Variants in PTPRT observed in about 807,000 individuals in gnomAD.
PTPRT encodes receptor-type tyrosine-protein phosphatase T.
A neutral mutation model predicts 176.8 loss-of-function variants in PTPRT; 56 were observed. The observed-to-expected ratio is 0.32, with a 90% CI of 0.26 to 0.40. The LOEUF (loss-of-function observed/expected upper bound fraction) is 0.40. PTPRT is among the 10% of genes least tolerant of loss of function. PTPRT has a pLI of 1.00. For missense variants in PTPRT, 1,540 were observed against 1,908.2 expected, an observed-to-expected ratio of 0.81 and a Z score of 3.60; for synonymous variants, 783 against 739.0, an observed-to-expected ratio of 1.06 and a Z score of -0.96.
intron 11 of PTPRT, among the ~76,000 whole-genome samples, chr20:42,318,181 GT>G (rs1433516477): frequency 1.3e-5 from 2 of 152,160 alleles, no homozygotes; most frequent in African/African-American, 4.8e-5. Context: ...GTCAATAAAC[GT>G]TTAAATTAAA....
At chr20:42,602,937 T>A (rs941345582) in intron 7 of PTPRT, among the ~76,000 whole-genome samples, 1 of 151,962 alleles carries the variant, frequency 6.6e-6, no homozygotes, top group African/African-American at 2.4e-5. Context: ...GACTTAAGAG[T>A]CAGTAAATGT....
intron 1 of PTPRT, among the ~76,000 whole-genome samples, chr20:43,011,746 G>A (rs1985136922): frequency 6.6e-6 from 1 of 152,216 alleles, no homozygotes; most frequent in Non-Finnish European, 1.5e-5. Context: ...ACTTGTGTCT[G>A]TGAGGGTGTT....
chr20:42,188,798 T>A (rs1990880804), intron 16 of PTPRT, among the ~76,000 whole-genome samples: 1 of 152,190 alleles, frequency 6.6e-6, no homozygotes, highest in Non-Finnish European at 1.5e-5. Flanking sequence ...TCTCAAGATG[T>A]AGTGGCCTAG....
intron 6 of PTPRT, among the ~76,000 whole-genome samples, chr20:42,698,852 C>CACGA (rs147806588): frequency 6.6e-6 from 1 of 151,424 alleles, no homozygotes; most frequent in African/African-American, 2.4e-5. Flanking sequence ...TGAATGCATA[C>CACGA]ATGAATGAAT....
intron 13 of PTPRT, among the ~76,000 whole-genome samples, chr20:42,264,393 A>C (rs972216682): frequency 6.6e-6 from 1 of 152,122 alleles, no homozygotes; most frequent in Non-Finnish European, 1.5e-5. Flanking sequence ...CTGTTCTAAG[A>C]CTGTTGTTAA....
At chr20:42,159,306 T>C (rs1015456790) in intron 17 of PTPRT, among the ~76,000 whole-genome samples, 1 of 152,146 alleles carries the variant, frequency 6.6e-6, no homozygotes, top group Non-Finnish European at 1.5e-5. Flanking sequence ...CAATCCTATG[T>C]TGCCTTCCTC....
chr20:42,418,746 G>T (rs951166970), intron 9 of PTPRT, among the ~76,000 whole-genome samples: 1 of 152,138 alleles, frequency 6.6e-6, no homozygotes, highest in Non-Finnish European at 1.5e-5. Context: ...GACCATAGGG[G>T]CCGGGTCATG....
chr20:42,951,850 G>T (rs1025295867), intron 1 of PTPRT, among the ~76,000 whole-genome samples: 1 of 152,166 alleles, frequency 6.6e-6, no homozygotes, highest in Non-Finnish European at 1.5e-5. Flanking sequence ...AATTTCCTCA[G>T]CTGTAGATTG....
intron 9 of PTPRT, among the ~76,000 whole-genome samples, chr20:42,359,795 G>C (rs143703071): frequency 6.6e-6 from 1 of 152,190 alleles, no homozygotes; most frequent in Non-Finnish European, 1.5e-5. Flanking sequence ...GGGCCTGCCC[G>C]GGCTGCACAC....
At chr20:42,551,708 C>A (rs1295112253) in intron 7 of PTPRT, among the ~76,000 whole-genome samples, 2 of 151,950 alleles carry the variant, frequency 1.3e-5, no homozygotes, top group Non-Finnish European at 2.9e-5. Flanking sequence ...CTGAGAAAAC[C>A]TGTGGCCTTA....
At chr20:43,133,679 T>C (rs944957661) in intron 1 of PTPRT, among the ~76,000 whole-genome samples, 5 of 145,780 alleles carry the variant, frequency 3.4e-5, no homozygotes, top group African/African-American at 1.0e-4. Flanking sequence ...ACCTGGGAGG[T>C]GGAGCTTGCA....
intron 19 of PTPRT, among the ~76,000 whole-genome samples, chr20:42,121,119 C>CTA: frequency 6.6e-6 from 1 of 152,328 alleles, no homozygotes; most frequent in Non-Finnish European, 1.5e-5. Context: ...TGTGGCATCT[C>CTA]TAAAGTTCTA....
chr20:42,609,321 G>A (rs1022145024), intron 7 of PTPRT, among the ~76,000 whole-genome samples: 7 of 152,036 alleles, frequency 4.6e-5, no homozygotes, highest in African/African-American at 1.2e-4. Context: ...CGATCCGCCC[G>A]CCTCAGCCTC....
chr20:42,148,090 C>G (rs1196724304), intron 17 of PTPRT, among the ~76,000 whole-genome samples: 1 of 152,054 alleles, frequency 6.6e-6, no homozygotes, highest in African/African-American at 2.4e-5. Context: ...AGGCGCTAAT[C>G]ACATTCTTTT....
At chr20:42,701,880 C>T (rs747261124) in intron 6 of PTPRT, among the ~76,000 whole-genome samples, 4 of 152,160 alleles carry the variant, frequency 2.6e-5, no homozygotes, top group Non-Finnish European at 5.9e-5. Context: ...ACAGCTAGAT[C>T]TAGAGTTCTT....
At chr20:42,569,630 G>A (rs145311739) in intron 7 of PTPRT, among the ~76,000 whole-genome samples, 4 of 152,032 alleles carry the variant, frequency 2.6e-5, no homozygotes, top group Admixed American at 1.3e-4. Flanking sequence ...AGCACCCAGG[G>A]AGGCAGAACT....
At position 42,472,464 on chromosome 20, in the gene PTPRT, G is replaced by A. The variant is rs372883484; in HGVS notation, c.1252C>T (p.His418Tyr). ...EPFGYAVTRC[H>Y]SYNLTVQYQY... The stretch of plus-strand genomic sequence containing the variant: ...TACTGCACGGTGAGGTTGTAGCTAT[G>A]GCAGCGGGTCACCGCGTAGCCGAAG... Residue 418 changes from histidine (H) to tyrosine (Y), a missense_variant, in exon 8 of 31, where the codon CAT (histidine) becomes TAT (tyrosine). By Grantham distance (83) the His-to-Tyr change is moderately conservative. Coordinates refer to ENST00000373187, the MANE Select transcript of PTPRT (RefSeq NM_007050.6). 5.5e-5 allele frequency: 88 copies of A among 1,614,132 alleles called. No individual in the cohort carries two copies. Among genetic ancestry groups the A allele is most frequent in the Non-Finnish European group, 7.2e-5 (85 of 1,180,050 alleles).
chr20:42,080,759 C>T lies in PTPRT; in HGVS notation c.*120G>A. 1 of 982,912 alleles carries T rather than the reference C, an allele frequency of 1.0e-6. No individual in the cohort carries two copies. The highest frequency in any genetic ancestry group is 1.6e-6 in the Non-Finnish European group (1 of 636,946). 60.9% of individuals were successfully genotyped at this position (982,912 alleles called of 1,614,324 possible). Reference sequence around the variant, plus strand: ...CGTGGAACACAGGGCCACCAGTCTTCTCCTTGGAGTCAGGCAGGGTGCCAC... The same window carrying T: ...CGTGGAACACAGGGCCACCAGTCTTTTCCTTGGAGTCAGGCAGGGTGCCAC... On this transcript the variant is annotated 3_prime_UTR_variant, in exon 31 of 31. Coordinates refer to ENST00000373187, the MANE Select transcript of PTPRT (RefSeq NM_007050.6).
intron 7 of PTPRT, among the ~76,000 whole-genome samples, chr20:42,542,074 C>G (rs569545631): frequency 6.6e-6 from 1 of 152,206 alleles, no homozygotes; most frequent in Non-Finnish European, 1.5e-5. Flanking sequence ...GGGCAGTTCC[C>G]CTGCACATGC....
Sources: gnomAD v4.1 joint callset for allele counts (sites outside exome capture counted in the v4.1 genomes callset) on GRCh38, gnomAD v4.1.1 for gene constraint, MANE v1.5 for transcripts, NCBI Gene and HGNC (gene_info 2026-07-23, HGNC 2026-07-21) for gene names.